Variants in BTG4 observed in about 807,000 individuals in gnomAD.
The protein encoded by BTG4 is BTG anti-proliferation factor 4.
Under a neutral mutation model 19.3 loss-of-function variants are expected in BTG4, and 10 were observed. The ratio of observed to expected loss-of-function variants is 0.52; its 90% CI spans 0.32 to 0.88. The LOEUF is 0.88. Among genes scored for constraint, BTG4 ranks in the 40% least tolerant of loss-of-function variants. BTG4 has a pLI of 0.04. For missense variants in BTG4, 238 were observed against 281.9 expected (o/e 0.84, Z 1.11); for synonymous variants, 91 against 95.7 (o/e 0.95, Z 0.29).
chr11:111,498,533 T>C, intron 2 of BTG4, 71 bp downstream of exon 2: 1 of 1,356,434 alleles, frequency 7.4e-7, no homozygotes, highest in African/African-American at 1.5e-5. Flanking sequence ...ACAAGATCAC[T>C]CCATTTTCCT....
At chr11:111,406,220 T>C in the BTG4 span, among the ~76,000 whole-genome samples, 2 of 152,254 alleles carry the variant, frequency 1.3e-5, no homozygotes, top group Non-Finnish European at 2.9e-5. Flanking sequence ...CAAGTGATCA[T>C]TCTCCCATGT....
downstream of BTG4, chr11:111,466,981 A>G (rs895595298): frequency 6.6e-6 from 1 of 152,664 alleles, no homozygotes; most frequent in Non-Finnish European, 1.5e-5. Flanking sequence ...GATGGCAGAT[A>G]TTCCCTAGGA....
the BTG4 span, chr11:111,450,235 G>A: frequency 6.6e-6 from 1 of 152,296 alleles, no homozygotes; most frequent in Non-Finnish European, 1.5e-5. Flanking sequence ...AGGACACTCA[G>A]ACACAGCTCA....
At chr11:111,482,095 A>G (rs186468541) in intron 5 of BTG4, among the ~76,000 whole-genome samples, 1 of 152,216 alleles carries the variant, frequency 6.6e-6, no homozygotes, top group Admixed American at 6.6e-5. Flanking sequence ...AGAGATAAAA[A>G]AAATTCCTGG....
chr11:111,488,874 G>A (rs77633212), intron 5 of BTG4, among the ~76,000 whole-genome samples: 267 of 152,194 alleles, frequency 1.8e-3, no homozygotes, highest in African/African-American at 6.0e-3. Context: ...GGCCGGCCAC[G>A]GTGGCTCAAG....
the BTG4 span, among the ~76,000 whole-genome samples, chr11:111,427,433 C>G: frequency 6.6e-6 from 1 of 152,134 alleles, no homozygotes; most frequent in Non-Finnish European, 1.5e-5. Flanking sequence ...CTCAAAGGAC[C>G]GCTCTGATCT....
chr11:111,395,688 G>A, the BTG4 span, among the ~76,000 whole-genome samples: 1 of 152,246 alleles, frequency 6.6e-6, no homozygotes, highest in Non-Finnish European at 1.5e-5. Context: ...CCCAAATTCA[G>A]TGAAGAGGGA....
intron 1 of BTG4, among the ~76,000 whole-genome samples, chr11:111,505,115 A>C (rs1866359852): frequency 6.6e-6 from 1 of 152,040 alleles, no homozygotes; most frequent in Admixed American, 6.6e-5. Context: ...TAGGAAAAAC[A>C]GTCCTAAAGT....
the BTG4 span, among the ~76,000 whole-genome samples, chr11:111,403,042 C>T: frequency 6.6e-6 from 1 of 152,082 alleles, no homozygotes; most frequent in Admixed American, 6.5e-5. Context: ...TTCTGAATTA[C>T]CAAATCAATC....
the BTG4 span, among the ~76,000 whole-genome samples, chr11:111,419,959 C>T: frequency 6.6e-6 from 1 of 152,218 alleles, no homozygotes; most frequent in Admixed American, 6.5e-5. Context: ...TTAGTTTGGC[C>T]ACACATTGCC....
At chr11:111,435,230 G>A in the BTG4 span, among the ~76,000 whole-genome samples, 7 of 152,232 alleles carry the variant, frequency 4.6e-5, no homozygotes, top group South Asian at 4.1e-4. Flanking sequence ...ACCCTGTCCC[G>A]TTCTCCACTG....
At chr11:111,394,974 T>C in the BTG4 span, among the ~76,000 whole-genome samples, 3 of 152,226 alleles carry the variant, frequency 2.0e-5, no homozygotes, top group Non-Finnish European at 4.4e-5. Context: ...GAAGCCATTT[T>C]ATTAGAACGT....
the BTG4 span, among the ~76,000 whole-genome samples, chr11:111,423,509 G>A: frequency 6.6e-6 from 1 of 152,144 alleles, no homozygotes. Flanking sequence ...ATTCAGTTAA[G>A]CATTCCTACT....
chr11:111,430,509 C>A, the BTG4 span, among the ~76,000 whole-genome samples: 1 of 152,202 alleles, frequency 6.6e-6, no homozygotes, highest in Non-Finnish European at 1.5e-5. Flanking sequence ...TGTCCACAAG[C>A]AATTTCCTTG....
At position 111,498,135 on chromosome 11, in the gene BTG4, C is replaced by A; in HGVS notation, c.174G>T (p.Arg58Ser). The A allele has an allele frequency of 1.2e-6, 2 of 1,613,806 alleles. No individual in the cohort carries two copies. Among genetic ancestry groups the A allele is most frequent in the Non-Finnish European group, 1.7e-6 (2 of 1,179,914 alleles). ...SDCPSKGQAF[R>S]CIRINNNQNK... ...TCTGATTGTTGTTTATCCTGATGCA[C>A]CTTTTTAAAAAGCGAAGGGAAACGA... Residue 58 changes from arginine to serine, a missense_variant and splice_region_variant, in exon 3 of 5, where the codon AGG (arginine) becomes AGT (serine). By Grantham distance (110) the Arg-to-Ser change is moderately radical. Transcript: ENST00000692032.
At chr11:111,419,584 G>A in the BTG4 span, among the ~76,000 whole-genome samples, 22 of 152,262 alleles carry the variant, frequency 1.4e-4, no homozygotes, top group Admixed American at 6.5e-4. Flanking sequence ...AACTTCCAAG[G>A]AGAACCACTG....
upstream of BTG4, among the ~76,000 whole-genome samples, chr11:111,513,744 G>A (rs564482960): frequency 3.9e-5 from 6 of 152,102 alleles, no homozygotes; most frequent in South Asian, 1.2e-3. Flanking sequence ...TAGATATAAG[G>A]GGGAATATGA....
chr11:111,383,935 C>G, the BTG4 span, among the ~76,000 whole-genome samples: 4 of 152,150 alleles, frequency 2.6e-5, no homozygotes, highest in Non-Finnish European at 5.9e-5. Context: ...CGCAGAAGTA[C>G]AGTATATTCT....
chr11:111,433,650 A>G, the BTG4 span, among the ~76,000 whole-genome samples: 20 of 152,362 alleles, frequency 1.3e-4, no homozygotes, highest in South Asian at 4.1e-4. Context: ...TTTGCAATCT[A>G]TCCATCTGAC....
Sources: gnomAD v4.1 joint callset for allele counts (sites outside exome capture counted in the v4.1 genomes callset) on GRCh38, gnomAD v4.1.1 for gene constraint, MANE v1.5 for transcripts, NCBI Gene and HGNC (gene_info 2026-07-23, HGNC 2026-07-21) for gene names.